Variants in CADM2 observed in about 807,000 individuals in gnomAD.
CADM2 encodes cell adhesion molecule 2.
Under a neutral mutation model 49.8 loss-of-function variants are expected in CADM2, and 12 were observed. The ratio of observed to expected loss-of-function variants is 0.24; its 90% CI spans 0.15 to 0.39. The LOEUF is 0.39. Ranked by LOEUF, CADM2 falls within the 10% of genes least tolerant of loss-of-function variation. The pLI is 1.00. For synonymous variants in CADM2, 214 were observed against 175.4 expected, an observed-to-expected ratio of 1.22 and a Z score of -1.74; for missense variants, 378 against 492.3, an observed-to-expected ratio of 0.77 and a Z score of 2.20.
At chr3:85,419,914 G>A (rs1382949341) in intron 1 of CADM2, among the ~76,000 whole-genome samples, 7 of 152,090 alleles carry the variant, frequency 4.6e-5, no homozygotes, top group South Asian at 2.1e-4. Flanking sequence ...TTCTGATTCC[G>A]TAGGTCAGGG....
intron 5 of CADM2, among the ~76,000 whole-genome samples, chr3:85,898,881 C>T (rs1422877189): frequency 5.1e-5 from 7 of 138,120 alleles, no homozygotes; most frequent in East Asian, 2.1e-4. Context: ...TTTTTAAAGG[C>T]CTTGCCATTT....
intron 1 of CADM2, among the ~76,000 whole-genome samples, chr3:85,397,066 A>G (rs955481378): frequency 6.6e-6 from 1 of 152,096 alleles, no homozygotes; most frequent in African/African-American, 2.4e-5. Flanking sequence ...CACAACAACA[A>G]CAATACAACC....
chr3:85,891,523 G>A (rs1269946861), intron 5 of CADM2, among the ~76,000 whole-genome samples: 1 of 151,942 alleles, frequency 6.6e-6, no homozygotes, highest in African/African-American at 2.4e-5. Context: ...GGGTTTTGCA[G>A]TTATCACTGT....
chr3:85,519,364 T>G (rs2060978700), intron 1 of CADM2, among the ~76,000 whole-genome samples: 1 of 152,162 alleles, frequency 6.6e-6, no homozygotes, highest in Non-Finnish European at 1.5e-5. Flanking sequence ...TTTTTAATCT[T>G]ATTTCTTTTG....
chr3:85,928,885 T>C (rs1037775589), intron 6 of CADM2, among the ~76,000 whole-genome samples: 2 of 152,124 alleles, frequency 1.3e-5, no homozygotes, highest in Non-Finnish European at 2.9e-5. Context: ...AGATTTTGAG[T>C]GCTCAAAATG....
At chr3:85,230,682 A>G (rs1025909189) in intron 1 of CADM2, among the ~76,000 whole-genome samples, 36 of 152,182 alleles carry the variant, frequency 2.4e-4, no homozygotes, top group Admixed American at 1.3e-4. Flanking sequence ...CAACAGTATT[A>G]ACTCTCAGAT....
intron 1 of CADM2, among the ~76,000 whole-genome samples, chr3:85,122,680 A>T (rs1225824844): frequency 6.6e-6 from 1 of 152,060 alleles, no homozygotes; most frequent in Non-Finnish European, 1.5e-5. Context: ...ATAGCCAAAC[A>T]TACCTACTTT....
chr3:84,974,881 T>C (rs1336575803), intron 1 of CADM2, among the ~76,000 whole-genome samples: 1 of 151,904 alleles, frequency 6.6e-6, no homozygotes. Context: ...ATTTACCAAA[T>C]CTTTGATTAT....
intron 1 of CADM2, among the ~76,000 whole-genome samples, chr3:85,448,215 C>A (rs1443951328): frequency 6.6e-6 from 1 of 151,746 alleles, no homozygotes; most frequent in African/African-American, 2.4e-5. Flanking sequence ...CGCCTGTAGT[C>A]CCAACTACTG....
chr3:85,046,853 A>G (rs2035684446), intron 1 of CADM2, among the ~76,000 whole-genome samples: 1 of 151,886 alleles, frequency 6.6e-6, no homozygotes, highest in Non-Finnish European at 1.5e-5. Flanking sequence ...ACATTAGCAT[A>G]AATAGTGATT....
chr3:85,437,758 A>G (rs893223955), intron 1 of CADM2, among the ~76,000 whole-genome samples: 3 of 151,986 alleles, frequency 2.0e-5, no homozygotes, highest in Admixed American at 2.0e-4. Flanking sequence ...TAGAACGTTT[A>G]TGTTAGCCTC....
At chr3:85,846,306 C>T (rs1358361367) in intron 3 of CADM2, among the ~76,000 whole-genome samples, 4 of 152,034 alleles carry the variant, frequency 2.6e-5, no homozygotes, top group Non-Finnish European at 5.9e-5. Flanking sequence ...CATTTATTTG[C>T]TTAATCATTC....
chr3:85,604,038 A>G (rs2107413345), intron 1 of CADM2, among the ~76,000 whole-genome samples: 1 of 152,002 alleles, frequency 6.6e-6, no homozygotes, highest in Admixed American at 6.6e-5. Flanking sequence ...TATTATACAT[A>G]CTCAGAACGT....
rs562536014 is a variant in CADM2, at chr3:85,120,696, A to AG, written c.61+161031dup. 7.8e-4 allele frequency among the ~76,000 whole-genome samples: 118 copies of AG among 152,202 alleles called. 5 individuals are homozygous for AG. In the South Asian group the frequency reaches 0.024, roughly 31 times the overall value. On this transcript the variant is annotated intron_variant, in intron 1 of 9. Coordinates refer to ENST00000383699, the MANE Select transcript of CADM2 (RefSeq NM_001167675.2). ...CTCCTGGGGGGTAGGGGGCCAGGGGAGGGATAGCCTTAGGAGAAATACGTC... is the reference window on the plus strand; with the variant it reads ...CTCCTGGGGGGTAGGGGGCCAGGGGAGGGGATAGCCTTAGGAGAAATACGTC...
At chr3:85,295,200 T>C in intron 1 of CADM2, among the ~76,000 whole-genome samples, 1 of 152,184 alleles carries the variant, frequency 6.6e-6, no homozygotes, top group Non-Finnish European at 1.5e-5. Flanking sequence ...ATGCTCATCA[T>C]CACTGGCCAT....
chr3:85,865,869 A>G (rs977915847), intron 3 of CADM2, among the ~76,000 whole-genome samples: 6 of 152,240 alleles, frequency 3.9e-5, no homozygotes, highest in African/African-American at 1.4e-4. Context: ...CTATATTTAA[A>G]GAATTTCAAG....
intron 1 of CADM2, among the ~76,000 whole-genome samples, chr3:85,391,994 C>T (rs1005570821): frequency 3.9e-5 from 6 of 152,054 alleles, no homozygotes; most frequent in African/African-American, 1.4e-4. Context: ...CTGTTACAAG[C>T]TTCCTGTCAT....
chr3:85,914,830 G>T (rs1718070646), intron 6 of CADM2, among the ~76,000 whole-genome samples: 1 of 152,164 alleles, frequency 6.6e-6, no homozygotes, highest in East Asian at 1.9e-4. Context: ...TGGATTGTGT[G>T]TTCTCAGGAT....
chr3:85,793,115 A>G (rs182490069), intron 2 of CADM2, among the ~76,000 whole-genome samples: 178 of 152,292 alleles, frequency 1.2e-3, no homozygotes, highest in African/African-American at 4.3e-3. Context: ...TTCTCTAAGT[A>G]TATGACAGAT....
Sources: gnomAD v4.1 joint callset for allele counts (sites outside exome capture counted in the v4.1 genomes callset) on GRCh38, gnomAD v4.1.1 for gene constraint, MANE v1.5 for transcripts, NCBI Gene and HGNC (gene_info 2026-07-23, HGNC 2026-07-21) for gene names.